Variants in NRXN3 observed in about 807,000 individuals in gnomAD.
NRXN3 encodes neurexin 3.
Under a neutral mutation model 137.6 loss-of-function variants are expected in NRXN3, and 32 were observed. The observed-to-expected ratio is 0.23, with a 90% CI of 0.18 to 0.31. The LOEUF is 0.31. NRXN3 is among the 10% of genes least tolerant of loss of function. The probability of loss-of-function intolerance (pLI) is 1.00; values close to 1 mark genes in which losing one functional copy is unlikely to be tolerated. For synonymous variants in NRXN3, 798 were observed against 784.5 expected (o/e 1.02, Z -0.29); for missense variants, 1,574 against 2,062.5 (o/e 0.76, Z 4.59).
At chr14:79,836,407 G>C (rs971173423) in intron 20 of NRXN3, among the ~76,000 whole-genome samples, 1 of 152,080 alleles carries the variant, frequency 6.6e-6, no homozygotes, top group Non-Finnish European at 1.5e-5. Flanking sequence ...CCAAGAGCAG[G>C]AAATGTTACA....
chr14:79,520,445 A>G (rs1406871432), intron 16 of NRXN3, among the ~76,000 whole-genome samples: 1 of 152,008 alleles, frequency 6.6e-6, no homozygotes, highest in East Asian at 1.9e-4. Context: ...TCCCTCCCCT[A>G]GCCCTCTACC....
chr14:78,201,538 G>A (rs2061677430), intron 1 of NRXN3, among the ~76,000 whole-genome samples: 1 of 152,230 alleles, frequency 6.6e-6, no homozygotes, highest in Non-Finnish European at 1.5e-5. Flanking sequence ...GGGCAGTGGT[G>A]AAGGAGCAAG....
intron 10 of NRXN3, among the ~76,000 whole-genome samples, chr14:78,844,241 G>A (rs2099020502): frequency 6.6e-6 from 1 of 152,018 alleles, no homozygotes; most frequent in African/African-American, 2.4e-5. Flanking sequence ...GGATACATGT[G>A]ATTGCATTTA....
chr14:79,772,981 A>C (rs1372139893), intron 19 of NRXN3, among the ~76,000 whole-genome samples: 4 of 152,220 alleles, frequency 2.6e-5, no homozygotes, highest in African/African-American at 4.8e-5. Context: ...ATGAACAGAC[A>C]CTTCTCAAAA....
At chr14:79,775,959 C>T (rs946916191) in intron 19 of NRXN3, among the ~76,000 whole-genome samples, 2 of 152,046 alleles carry the variant, frequency 1.3e-5, no homozygotes, top group African/African-American at 4.8e-5. Flanking sequence ...CACATCCTAG[C>T]ATGGAGCCTA....
intron 10 of NRXN3, among the ~76,000 whole-genome samples, chr14:78,814,120 T>C (rs1459344037): frequency 6.6e-6 from 1 of 152,230 alleles, no homozygotes; most frequent in Non-Finnish European, 1.5e-5. Flanking sequence ...TCAATAAACA[T>C]ATATTACAGA....
chr14:79,386,542 A>G (rs1194174310), intron 15 of NRXN3, among the ~76,000 whole-genome samples: 2 of 152,294 alleles, frequency 1.3e-5, no homozygotes, highest in African/African-American at 4.8e-5. Flanking sequence ...TAATTTATAG[A>G]TTCAATCTCA....
intron 4 of NRXN3, among the ~76,000 whole-genome samples, chr14:78,342,845 T>G (rs2082285276): frequency 6.6e-6 from 1 of 152,196 alleles, no homozygotes; most frequent in African/African-American, 2.4e-5. Context: ...TGAGCCTGTT[T>G]GCTCATATGC....
At chr14:79,184,896 TG>T (rs1404629897) in intron 15 of NRXN3, among the ~76,000 whole-genome samples, 2 of 152,220 alleles carry the variant, frequency 1.3e-5, no homozygotes, top group Non-Finnish European at 2.9e-5. Context: ...TTAAGGGTAC[TG>T]CACAAATACT....
rs546212606 is a variant in NRXN3 at position 79,029,829 on chromosome 14, G to GGTTT, written c.3262+41705_3262+41708dup. 8.1e-3 allele frequency among the ~76,000 whole-genome samples: 1,226 copies of GGTTT among 151,740 alleles called. 11 individuals are homozygous for GGTTT. Among genetic ancestry groups the GGTTT allele is most frequent in the African/African-American group, 0.028 (1,140 of 41,340 alleles). ...TTGGGGCAATTGTATGGTGCATTAT[G>GGTTT]GTTTGTTTGTTTGTTTGTTTATTTA... On this transcript the variant is annotated intron_variant, in intron 15 of 20. Transcript: ENST00000335750.
chr14:78,626,141 T>G (rs1338877303), intron 4 of NRXN3, among the ~76,000 whole-genome samples: 1 of 152,184 alleles, frequency 6.6e-6, no homozygotes, highest in African/African-American at 2.4e-5. Context: ...GCATCCAATC[T>G]GGGGAACCAC....
At chr14:78,515,414 GA>G (rs2153793991) in intron 4 of NRXN3, among the ~76,000 whole-genome samples, 2 of 152,250 alleles carry the variant, frequency 1.3e-5, no homozygotes, top group South Asian at 4.1e-4. Flanking sequence ...GCAGATCACA[GA>G]GATCCAGGAC....
intron 4 of NRXN3, among the ~76,000 whole-genome samples, chr14:78,475,534 G>A (rs2095363517): frequency 1.3e-5 from 2 of 152,214 alleles, no homozygotes; most frequent in African/African-American, 4.8e-5. Context: ...AGGTGGTATT[G>A]ATAGTAAAAC....
At chr14:78,746,147 G>T (rs1382809884) in intron 8 of NRXN3, among the ~76,000 whole-genome samples, 1 of 152,216 alleles carries the variant, frequency 6.6e-6, no homozygotes, top group Non-Finnish European at 1.5e-5. Flanking sequence ...GCCATGGCTT[G>T]CTAGAGAAAA....
At chr14:79,422,706 T>TC (rs976542920) in intron 15 of NRXN3, among the ~76,000 whole-genome samples, 1 of 147,408 alleles carries the variant, frequency 6.8e-6, no homozygotes, top group African/African-American at 2.5e-5. Flanking sequence ...TCTTTTTTTT[T>TC]TTTTTTTTTT....
intron 15 of NRXN3, among the ~76,000 whole-genome samples, chr14:79,307,841 G>A (rs1463711335): frequency 6.9e-6 from 1 of 145,930 alleles, no homozygotes; most frequent in Non-Finnish European, 1.5e-5. Context: ...GTCTTCTTTT[G>A]GTCAAGCCAT....
intron 15 of NRXN3, among the ~76,000 whole-genome samples, chr14:79,056,619 G>C (rs778452963): frequency 4.6e-5 from 7 of 152,150 alleles, no homozygotes; most frequent in Non-Finnish European, 8.8e-5. Context: ...GGGTCTGCAG[G>C]ATCTACAAGT....
chr14:79,486,030 T>C (rs2096652852), intron 16 of NRXN3, among the ~76,000 whole-genome samples: 1 of 152,042 alleles, frequency 6.6e-6, no homozygotes, highest in African/African-American at 2.4e-5. Context: ...GTTATTATTA[T>C]TATTATTAAT....
intron 3 of NRXN3, among the ~76,000 whole-genome samples, chr14:78,284,215 G>C (rs2074845623): frequency 6.6e-6 from 1 of 152,194 alleles, no homozygotes; most frequent in African/African-American, 2.4e-5. Context: ...CGCTGAGATA[G>C]ATGCATATCT....
Sources: allele counts gnomAD v4.1 joint callset (sites outside exome capture counted in the v4.1 genomes callset), GRCh38; gene constraint gnomAD v4.1.1; transcripts MANE v1.5; gene names NCBI Gene and HGNC (gene_info 2026-07-23, HGNC 2026-07-21).